The following PIEZO1 variants were observed in gnomAD, a reference collection of about 807,000 sequenced individuals.
PIEZO1 encodes the protein piezo type mechanosensitive ion channel component 1 (Er blood group), also known as piezo-type mechanosensitive ion channel component 1.
Under a neutral mutation model 297.2 loss-of-function variants are expected in PIEZO1, and 296 were observed. The ratio of observed to expected loss-of-function variants is 1.00; its 90% CI spans 0.91 to 1.10. PIEZO1 has a LOEUF of 1.10. Ranked by LOEUF, PIEZO1 falls within the 50% of genes least tolerant of loss-of-function variation. The pLI, the probability that PIEZO1 is intolerant of heterozygous loss-of-function variation, is 0.00. For synonymous variants in PIEZO1, 2,427 were observed against 1,507.5 expected (o/e 1.61, Z -14.13); for missense variants, 5,018 against 3,455.5 (o/e 1.45, Z -11.34).
chr16:88,776,625 G>A (rs114791664), intron 1 of PIEZO1, among the ~76,000 whole-genome samples: 1,872 of 152,340 alleles, frequency 0.012, 34 homozygotes, highest in African/African-American at 0.031. Flanking sequence ...AGCCACGGGA[G>A]GTTAGCAGGG....
chr16:88,716,811 G>T lies in PIEZO1; in HGVS notation c.6748C>A (p.Gln2250Lys), dbSNP rs756213550. 4.5e-6 allele frequency: 7 copies of T among 1,549,862 alleles called. No individual in the cohort carries two copies. The highest frequency in any genetic ancestry group is 6.1e-6 in the Non-Finnish European group (7 of 1,146,934). Reference protein sequence around the residue: ...YEELSRQFDPQPLAMQFISQY... With the variant: ...YEELSRQFDPKPLAMQFISQY... ...ACAGGGCAGAGGCCACTTACCGGCT[G>T]GGGGTCAAACTGCCGGGACAGCTCC... Residue 2250 changes from glutamine to lysine, a missense_variant, in exon 46 of 51, where the codon CAG becomes AAG. Transcript: ENST00000301015.
Position 88,761,828 on chromosome 16 carries a change from A to C in PIEZO1, c.65-12349T>G, listed in dbSNP as rs192989808. Among the ~76,000 whole-genome samples, 112 of 149,210 alleles carry C rather than the reference A, an allele frequency of 7.5e-4. No homozygotes were observed. The East Asian group carries it at 0.015, about 19-fold the overall frequency. On this transcript the variant is annotated intron_variant, in intron 1 of 50. Coordinates refer to ENST00000301015, the MANE Select transcript of PIEZO1 (RefSeq NM_001142864.4). ...AGCGCTGCCAGGGTGTGGAGGCCTC[A>C]GAGTTTTTCTGTGCTGGGCTCCCCT...
At position 88,755,426 on chromosome 16, in the gene PIEZO1, C is replaced by T. The variant is rs148878159; in HGVS notation, c.65-5947G>A. On this transcript the variant is annotated intron_variant, in intron 1 of 50. Transcript: ENST00000301015. Reference sequence around the variant, plus strand: ...TCGTACGTTTCTTCCTAAACAAACCCGGTGCTGCAGCAGGAATCTGGCCAC... The same window carrying T: ...TCGTACGTTTCTTCCTAAACAAACCTGGTGCTGCAGCAGGAATCTGGCCAC... Among the ~76,000 whole-genome samples the T allele has an allele frequency of 1.8e-3, 270 of 152,322 alleles. 2 individuals are homozygous for T. Among genetic ancestry groups the T allele is most frequent in the African/African-American group, 6.0e-3 (249 of 41,564 alleles).
At chr16:88,734,251 A>G (rs1905061954) in intron 16 of PIEZO1, 105 bp downstream of exon 16, 6 of 1,241,500 alleles carry the variant, frequency 4.8e-6, no homozygotes, top group Admixed American at 2.8e-5. Context: ...GCCCCTTGGG[A>G]TCTGAAGGTG....
chr16:88,740,071 C>G (rs575520253), intron 5 of PIEZO1: 1 of 152,170 alleles, frequency 6.6e-6, no homozygotes, highest in East Asian at 1.9e-4. Flanking sequence ...GACTTGGGCC[C>G]CACGTGCCGC....
rs1002002655 is a variant in PIEZO1, at chr16:88,785,096, T to C, written c.-132A>G. Reference sequence around the variant, plus strand: ...CGCGCCGCCTTCTCCTCTTCCTCCTTCTCCTTCGGCCGCCCCGCCGGTGCC... The same window carrying C: ...CGCGCCGCCTTCTCCTCTTCCTCCTCCTCCTTCGGCCGCCCCGCCGGTGCC... On this transcript the variant is annotated 5_prime_UTR_variant, in exon 1 of 51. Transcript: ENST00000301015. 6.8e-5 allele frequency: 31 copies of C among 459,058 alleles called. No homozygotes were observed. Among genetic ancestry groups the C allele is most frequent in the Non-Finnish European group, 9.4e-5 (29 of 307,620 alleles). 28.4% of individuals were successfully genotyped at this position (459,058 alleles called of 1,614,324 possible).
chr16:88,770,685 G>C (rs1270610813), intron 1 of PIEZO1, among the ~76,000 whole-genome samples: 1 of 152,214 alleles, frequency 6.6e-6, no homozygotes, highest in East Asian at 1.9e-4. Context: ...TTCACTGCCA[G>C]TGACTCAGCC....
At chr16:88,753,568 A>G (rs911893417) in intron 1 of PIEZO1, among the ~76,000 whole-genome samples, 51 of 152,138 alleles carry the variant, frequency 3.4e-4, no homozygotes, top group African/African-American at 1.2e-3. Flanking sequence ...GCACTCCTCC[A>G]ATGCTCCAAT....
chr16:88,753,783 G>C (rs1168818514), intron 1 of PIEZO1, among the ~76,000 whole-genome samples: 1 of 152,264 alleles, frequency 6.6e-6, no homozygotes, highest in Non-Finnish European at 1.5e-5. Context: ...TAAAGCCAGA[G>C]GGGGAGACTT....
chr16:88,734,331 C>A lies in PIEZO1; in HGVS notation c.2180+25G>T. ...CCCAGGAGGCTACACCTCTCCAGGG[C>A]CGGACAGGGAGGGCGGGGCCGCACC... On this transcript the variant is annotated intron_variant, in intron 16 of 50. Coordinates refer to ENST00000301015, the MANE Select transcript of PIEZO1 (RefSeq NM_001142864.4). 4.0e-6 allele frequency: 6 copies of A among 1,490,052 alleles called. No homozygotes were observed. In the South Asian group the frequency reaches 5.3e-5, roughly 13 times the overall value. The allele number at this position is 1,490,052 out of a possible 1,614,324, so 92.3% of individuals were successfully genotyped here. A position where few individuals can be genotyped will look rare whatever the true frequency, so the allele number is the denominator to read the frequency against.
intron 5 of PIEZO1, 32 bp from the exon 6 acceptor site, chr16:88,738,768 G>C (rs1905436219): frequency 6.6e-7 from 1 of 1,511,656 alleles, no homozygotes; most frequent in Non-Finnish European, 8.9e-7. Context: ...GCAAGGTCAG[G>C]TGTATCGCAC....
Position 88,736,734 on chromosome 16 carries a change from GCCGCACTGCA to G in PIEZO1, c.1196-5_1200del. On this transcript the variant is annotated splice_acceptor_variant and splice_polypyrimidine_tract_variant and coding_sequence_variant and intron_variant, in exon 11 of 51. Transcript: ENST00000301015. LOFTEE classifies it high-confidence loss of function. ...GCCTCCCTGGGCTCAGCCCGCTTGG[GCCGCACTGCA>G]GGTGGGGACAGCGGTCAGCTTCGGC... The G allele has an allele frequency of 1.3e-6, 2 of 1,526,928 alleles. No homozygotes were observed. The highest frequency in any genetic ancestry group is 1.8e-6 in the Non-Finnish European group (2 of 1,141,658). 94.6% of individuals were successfully genotyped at this position (1,526,928 alleles called of 1,614,324 possible).
At chr16:88,726,160 C>A in intron 27 of PIEZO1, 124 bp downstream of exon 27, 1 of 754,482 alleles carries the variant, frequency 1.3e-6, no homozygotes, top group Non-Finnish European at 2.1e-6. Flanking sequence ...AGATGACACG[C>A]CCATGTCACA....
chr16:88,733,890 T>C lies in PIEZO1; in HGVS notation c.2329+16A>G, dbSNP rs1445986004. On this transcript the variant is annotated intron_variant, in intron 17 of 50. Transcript: ENST00000301015. Reference sequence around the variant, plus strand: ...AGCAGACTGGGTGGCAGCTGTGCTCTGCCCGCCCAACCCACCTTCAGGCAC... The same window carrying C: ...AGCAGACTGGGTGGCAGCTGTGCTCCGCCCGCCCAACCCACCTTCAGGCAC... 2.0e-6 allele frequency: 3 copies of C among 1,480,972 alleles called. No homozygotes were observed. The highest frequency in any genetic ancestry group is 2.5e-5 in the East Asian group (1 of 40,046). 91.7% of individuals were successfully genotyped at this position (1,480,972 alleles called of 1,614,324 possible). A position where few individuals can be genotyped will look rare whatever the true frequency, so the allele number is the denominator to read the frequency against.
chr16:88,741,671 A>ACT, intron 4 of PIEZO1, 55 bp from the exon 5 acceptor site: 2 of 1,491,114 alleles, frequency 1.3e-6, no homozygotes, highest in Non-Finnish European at 1.8e-6. Flanking sequence ...TGTGGGTGTG[A>ACT]GTGTGGATGG....
intron 1 of PIEZO1, among the ~76,000 whole-genome samples, chr16:88,755,966 G>A (rs1037966868): frequency 9.2e-5 from 14 of 152,204 alleles, no homozygotes; most frequent in Non-Finnish European, 1.3e-4. Flanking sequence ...CGGGGAGGGC[G>A]GGGGCCACCC....
intron 1 of PIEZO1, among the ~76,000 whole-genome samples, chr16:88,763,831 G>T (rs529167896): frequency 6.6e-6 from 1 of 152,344 alleles, no homozygotes; most frequent in African/African-American, 2.4e-5. Flanking sequence ...TAATTGAGAG[G>T]GTAAGATTCC....
chr16:88,715,495 C>G lies in PIEZO1; in HGVS notation c.*110G>C. 8.5e-7 allele frequency: 1 copy of G among 1,170,376 alleles called. No individual in the cohort carries two copies. 72.5% of individuals were successfully genotyped at this position (1,170,376 alleles called of 1,614,324 possible). A position where few individuals can be genotyped will look rare whatever the true frequency, so the allele number is the denominator to read the frequency against. Reference sequence around the variant, plus strand: ...GGCAGGCCGGGAGGATGCATCACAGCTGGCGGCCTTGGACGGGGCAGTGGC... The same window carrying G: ...GGCAGGCCGGGAGGATGCATCACAGGTGGCGGCCTTGGACGGGGCAGTGGC... On this transcript the variant is annotated 3_prime_UTR_variant, in exon 51 of 51. Coordinates refer to ENST00000301015, the MANE Select transcript of PIEZO1 (RefSeq NM_001142864.4).
At chr16:88,746,454 TGCCCCA>T (rs1052458470) in intron 2 of PIEZO1, among the ~76,000 whole-genome samples, 27 of 152,272 alleles carry the variant, frequency 1.8e-4, no homozygotes, top group African/African-American at 6.5e-4. Context: ...CTGTTCCCTC[TGCCCCA>T]GCCCCAGCCC....
Sources: allele counts gnomAD v4.1 joint callset (sites outside exome capture counted in the v4.1 genomes callset), GRCh38; gene constraint gnomAD v4.1.1; transcripts MANE v1.5; gene names NCBI Gene and HGNC (gene_info 2026-07-23, HGNC 2026-07-21).